IPCEF1: variants seen among roughly 807,000 people sequenced by gnomAD.
IPCEF1 encodes the protein interactor protein for cytohesin exchange factors 1.
IPCEF1 carries 31 observed loss-of-function variants against 50.9 expected under a neutral mutation model. The observed-to-expected ratio is 0.61, with a 90% CI of 0.46 to 0.82. The LOEUF (loss-of-function observed/expected upper bound fraction) is 0.82, where lower values mean the gene tolerates loss of function less well. Ranked by LOEUF, IPCEF1 falls within the 40% of genes least tolerant of loss-of-function variation. The probability of loss-of-function intolerance (pLI) is 0.00; values close to 1 mark genes in which losing one functional copy is unlikely to be tolerated. For missense variants in IPCEF1, 458 were observed against 514.0 expected, an observed-to-expected ratio of 0.89 and a Z score of 1.05; for synonymous variants, 181 against 192.0, an observed-to-expected ratio of 0.94 and a Z score of 0.47.
At chr6:154,234,726 G>A (rs983309469) in intron 5 of IPCEF1, among the ~76,000 whole-genome samples, 2 of 152,106 alleles carry the variant, frequency 1.3e-5, no homozygotes, top group Non-Finnish European at 2.9e-5. Flanking sequence ...AGAGGGAAAG[G>A]GCTCTGAAGT....
At chr6:154,265,075 A>C (rs1781719984) in intron 3 of IPCEF1, among the ~76,000 whole-genome samples, 1 of 152,150 alleles carries the variant, frequency 6.6e-6, no homozygotes, top group Non-Finnish European at 1.5e-5. Context: ...TTGCCAAAAG[A>C]AGCACACCAT....
At chr6:154,175,676 A>G (rs1001401505) in intron 10 of IPCEF1, among the ~76,000 whole-genome samples, 3 of 152,198 alleles carry the variant, frequency 2.0e-5, no homozygotes, top group African/African-American at 7.2e-5. Context: ...TGAGGCAATA[A>G]TTAATAGCCT....
At chr6:154,221,197 C>A (rs1386376168) in intron 7 of IPCEF1, 60 bp downstream of exon 7, 2 of 1,194,638 alleles carry the variant, frequency 1.7e-6, no homozygotes, top group East Asian at 4.7e-5. Flanking sequence ...AATTCCAGTA[C>A]CAGGCTAAAG....
intron 1 of IPCEF1, among the ~76,000 whole-genome samples, chr6:154,354,528 C>T (rs1584019031): frequency 6.8e-6 from 1 of 148,004 alleles, no homozygotes; most frequent in Admixed American, 6.7e-5. Flanking sequence ...CTCCAATCAC[C>T]ATTTCTACCA....
At chr6:154,255,122 GA>G (rs1355828973) in intron 3 of IPCEF1, among the ~76,000 whole-genome samples, 1 of 152,030 alleles carries the variant, frequency 6.6e-6, no homozygotes, top group African/African-American at 2.4e-5. Context: ...TTCTCAATCA[GA>G]AATCACAAGT....
intron 3 of IPCEF1, among the ~76,000 whole-genome samples, chr6:154,253,508 C>T (rs1781387770): frequency 6.6e-6 from 1 of 152,164 alleles, no homozygotes; most frequent in Non-Finnish European, 1.5e-5. Context: ...AAAAATGCCA[C>T]AATGTATCTC....
At chr6:154,211,319 G>A (rs1777943895) in intron 9 of IPCEF1, among the ~76,000 whole-genome samples, 1 of 151,872 alleles carries the variant, frequency 6.6e-6, no homozygotes, top group Non-Finnish European at 1.5e-5. Context: ...TGAGGCAGGA[G>A]AATGGTGTGA....
At chr6:154,220,165 T>C (rs1177507829) in intron 7 of IPCEF1, among the ~76,000 whole-genome samples, 3 of 152,184 alleles carry the variant, frequency 2.0e-5, no homozygotes, top group African/African-American at 7.2e-5. Context: ...GCTCTGTGAA[T>C]GGAGGAATTA....
At chr6:154,288,852 C>A (rs1159279994) in intron 2 of IPCEF1, among the ~76,000 whole-genome samples, 1 of 152,010 alleles carries the variant, frequency 6.6e-6, no homozygotes, top group East Asian at 1.9e-4. Flanking sequence ...TCACTTGAGG[C>A]CAGGAGTGAG....
rs1801020262 is a variant in IPCEF1, at chr6:154,182,952, AG to A, written c.911-14840del. 4.6e-5 allele frequency among the ~76,000 whole-genome samples: 7 copies of A among 152,248 alleles called. No individual in the cohort carries two copies. In the South Asian group the frequency reaches 1.4e-3, roughly 32 times the overall value. The stretch of plus-strand genomic sequence containing the variant: ...CTCAATTTCACTAAGCAGAATATGA[AG>A]GCTGAACAAATAAATGCCCTTATCT... On this transcript the variant is annotated intron_variant, in intron 10 of 11. Transcript: ENST00000367220.
rs1266123269 is a variant in IPCEF1 at position 154,283,319 on chromosome 6, G to A, written c.-18+6394C>T. 4.4e-5 allele frequency among the ~76,000 whole-genome samples: 6 copies of A among 137,242 alleles called. No homozygotes were observed. In the South Asian group the frequency reaches 7.3e-4, roughly 17 times the overall value. The allele number at this position is 137,242 out of a possible 152,430, so 90.0% of individuals were successfully genotyped here. A position where few individuals can be genotyped will look rare whatever the true frequency, so the allele number is the denominator to read the frequency against. On this transcript the variant is annotated intron_variant, in intron 2 of 11. Coordinates refer to ENST00000367220, the MANE Select transcript of IPCEF1 (RefSeq NM_001130700.2). ...AAAAAAAAAAAAAAAAAAGAGGGCC[G>A]GGCACAGTGCCTCACACCTGTAATC...
At chr6:154,252,681 C>CA (rs796831264) in intron 3 of IPCEF1, among the ~76,000 whole-genome samples, 73 of 149,334 alleles carry the variant, frequency 4.9e-4, no homozygotes, top group South Asian at 1.7e-3. Context: ...TCTCGAAAAA[C>CA]AAAAAAAAAG....
intron 10 of IPCEF1, 149 bp downstream of exon 10, chr6:154,199,519 A>G (rs1455564994): frequency 4.3e-6 from 4 of 927,500 alleles, no homozygotes; most frequent in Non-Finnish European, 4.7e-6. Flanking sequence ...AAACTCCTCT[A>G]CAAAGCAACC....
chr6:154,179,499 G>T (rs547786298), intron 10 of IPCEF1, among the ~76,000 whole-genome samples: 1 of 151,876 alleles, frequency 6.6e-6, no homozygotes, highest in Non-Finnish European at 1.5e-5. Context: ...AATTATTTCC[G>T]CCCCCCCTTA....
At chr6:154,312,341 CA>C (rs1783098200) in intron 1 of IPCEF1, among the ~76,000 whole-genome samples, 1 of 151,672 alleles carries the variant, frequency 6.6e-6, no homozygotes, top group Non-Finnish European at 1.5e-5. Context: ...AGAAGTTGGT[CA>C]AAGAATCAAA....
chr6:154,177,165 G>T (rs1373473730), intron 10 of IPCEF1, among the ~76,000 whole-genome samples: 1 of 152,094 alleles, frequency 6.6e-6, no homozygotes, highest in Non-Finnish European at 1.5e-5. Flanking sequence ...TTAAACGTAA[G>T]ACCTAAAACC....
At chr6:154,202,350 A>G in intron 9 of IPCEF1, among the ~76,000 whole-genome samples, 1 of 152,330 alleles carries the variant, frequency 6.6e-6, no homozygotes, top group South Asian at 2.1e-4. Flanking sequence ...TATAATTTCA[A>G]TAAAACCCTA....
At chr6:154,205,090 G>A (rs773824907) in intron 9 of IPCEF1, among the ~76,000 whole-genome samples, 1 of 152,152 alleles carries the variant, frequency 6.6e-6, no homozygotes, top group Admixed American at 6.5e-5. Context: ...AGAGCAGACA[G>A]AGCAGTATCC....
At chr6:154,196,496 A>G (rs1190681174) in intron 10 of IPCEF1, among the ~76,000 whole-genome samples, 2 of 152,128 alleles carry the variant, frequency 1.3e-5, no homozygotes, top group Non-Finnish European at 2.9e-5. Context: ...ATTTATTTGT[A>G]TAAATTGGGT....
Sources: allele counts gnomAD v4.1 joint callset (sites outside exome capture counted in the v4.1 genomes callset), GRCh38; gene constraint gnomAD v4.1.1; transcripts MANE v1.5; gene names NCBI Gene and HGNC (gene_info 2026-07-23, HGNC 2026-07-21).